The following LPA variants were observed in gnomAD, a reference collection of about 807,000 sequenced individuals.
LPA encodes the protein lipoprotein(a).
A neutral mutation model predicts 197.9 loss-of-function variants in LPA; 199 were observed. The ratio of observed to expected loss-of-function variants is 1.01; its 90% CI spans 0.90 to 1.13. The LOEUF (loss-of-function observed/expected upper bound fraction) is 1.13, where lower values mean the gene tolerates loss of function less well. Ranked by LOEUF, LPA falls within the 50% of genes most tolerant of loss-of-function variation. LPA has a pLI of 0.00. For missense variants in LPA, 1,853 were observed against 1,785.8 expected, an observed-to-expected ratio of 1.04 and a Z score of -0.68; for synonymous variants, 715 against 639.5, an observed-to-expected ratio of 1.12 and a Z score of -1.78.
At chr6:160,588,219 C>A (rs1407245219) in intron 24 of LPA, among the ~76,000 whole-genome samples, 1 of 151,970 alleles carries the variant, frequency 6.6e-6, no homozygotes, top group Non-Finnish European at 1.5e-5. Context: ...TATAACTGAG[C>A]AACTTGTATT....
rs534522794 is a variant in LPA at position 160,547,641 on chromosome 6, C to T, written c.5304+148G>A. ...CCTGAGAACCCCCACACGCGTGGGG[C>T]TTTGCTGGCCTGTGCTGCTTGCACT... is the stretch of plus-strand genomic sequence containing the variant. On this transcript the variant is annotated intron_variant, in intron 32 of 38. Coordinates refer to ENST00000316300, the MANE Select transcript of LPA (RefSeq NM_005577.4). The T allele has an allele frequency of 4.3e-5, 44 of 1,025,154 alleles. No individual in the cohort carries two copies. In the East Asian group the frequency reaches 7.9e-4, roughly 18 times the overall value. The allele number at this position is 1,025,154 out of a possible 1,614,324, so 63.5% of individuals were successfully genotyped here. A position where few individuals can be genotyped will look rare whatever the true frequency, so the allele number is the denominator to read the frequency against.
Position 160,664,168 on chromosome 6 carries a change from G to C in LPA, c.47C>G (p.Ser16Ter). The C allele has an allele frequency of 6.2e-7, 1 of 1,603,244 alleles. No individual in the cohort carries two copies. The highest frequency in any genetic ancestry group is 8.5e-7 in the Non-Finnish European group (1 of 1,174,804). The change falls in exon 1 of 39, where the codon TCA (serine) becomes TGA (stop). Residue 16 changes from serine to a stop codon, truncating the protein, a stop_gained and splice_region_variant. Transcript: ENST00000316300. LOFTEE classifies it high-confidence loss of function. Reference sequence around the variant, plus strand: ...AATTTAAAAAAACTATGTCTTACCTGATTTCAGAAATAAAAGAAGTAGAAG... The same window carrying C: ...AATTTAAAAAAACTATGTCTTACCTCATTTCAGAAATAAAAGAAGTAGAAG... ...VVLLLLLFLK[S>*]AAPEQSHVVQ...
At chr6:160,587,133 C>A (rs1383835791) in intron 24 of LPA, among the ~76,000 whole-genome samples, 4 of 152,186 alleles carry the variant, frequency 2.6e-5, no homozygotes, top group Non-Finnish European at 4.4e-5. Flanking sequence ...TACAGTTGAT[C>A]TCAATATCTA....
chr6:160,537,769 G>C, intron 37 of LPA, 86 bp downstream of exon 37: 1 of 1,267,126 alleles, frequency 7.9e-7, no homozygotes, highest in Non-Finnish European at 1.1e-6. Flanking sequence ...GTAGGAATTT[G>C]TACAACTATC....
intron 7 of LPA, among the ~76,000 whole-genome samples, chr6:160,634,702 G>A (rs1490100549): frequency 2.0e-5 from 3 of 151,838 alleles, no homozygotes; most frequent in African/African-American, 7.3e-5. Flanking sequence ...TCTCGAGGAT[G>A]ACAGGCTCCA....
chr6:160,653,972 ATAAT>A (rs1780057514), intron 1 of LPA, among the ~76,000 whole-genome samples: 2 of 20,692 alleles, frequency 9.7e-5, no homozygotes, highest in African/African-American at 2.0e-4. Flanking sequence ...TATATTATAT[ATAAT>A]ATATAATATA....
chr6:160,600,150 C>G (rs1292434840), intron 19 of LPA, among the ~76,000 whole-genome samples: 1 of 152,202 alleles, frequency 6.6e-6, no homozygotes, highest in Admixed American at 6.5e-5. Context: ...GGGCAGACAA[C>G]AGTCCTGCAG....
At chr6:160,588,531 C>A (rs1778960423) in intron 24 of LPA, among the ~76,000 whole-genome samples, 1 of 152,178 alleles carries the variant, frequency 6.6e-6, no homozygotes, top group Non-Finnish European at 1.5e-5. Flanking sequence ...TGCAGTTGTT[C>A]TTTCCCAAGT....
At chr6:160,552,677 G>C (rs1434749021) in intron 30 of LPA, among the ~76,000 whole-genome samples, 1 of 152,112 alleles carries the variant, frequency 6.6e-6, no homozygotes, top group African/African-American at 2.4e-5. Flanking sequence ...TATGATTCAG[G>C]TTTTCATGGT....
intron 28 of LPA, among the ~76,000 whole-genome samples, chr6:160,559,764 G>A (rs1242706004): frequency 3.9e-5 from 6 of 152,090 alleles, no homozygotes; most frequent in Non-Finnish European, 8.8e-5. Context: ...CAGATGGTTG[G>A]TGAGTTCTTA....
At chr6:160,598,369 A>C (rs897407348) in intron 20 of LPA, among the ~76,000 whole-genome samples, 1 of 152,172 alleles carries the variant, frequency 6.6e-6, no homozygotes, top group Non-Finnish European at 1.5e-5. Context: ...GAGTAATCCC[A>C]AAGTCCAATC....
intron 28 of LPA, among the ~76,000 whole-genome samples, chr6:160,557,930 T>C (rs1278301781): frequency 6.6e-6 from 1 of 151,966 alleles, no homozygotes; most frequent in East Asian, 1.9e-4. Context: ...AGATTTTTTT[T>C]TTTTTTTGTG....
chr6:160,535,235 T>C (rs914518059), intron 37 of LPA, among the ~76,000 whole-genome samples: 2 of 334 alleles, frequency 6.0e-3, no homozygotes, highest in African/African-American at 0.016. Flanking sequence ...TAGAGGATAG[T>C]GATGATGGTG....
intron 18 of LPA, among the ~76,000 whole-genome samples, chr6:160,601,853 G>A (rs962143270): frequency 2.2e-4 from 34 of 152,110 alleles, no homozygotes; most frequent in Admixed American, 2.0e-3. Context: ...CAGCAATTCC[G>A]GGACTGAGGG....
At chr6:160,593,652 G>T (rs41272046) in intron 22 of LPA, among the ~76,000 whole-genome samples, 1,648 of 152,252 alleles carry the variant, frequency 0.011, 33 homozygotes, top group African/African-American at 0.038. Context: ...CTATTGCATT[G>T]GTCTTTAGTG....
At chr6:160,589,399 G>A (rs1266142692) in intron 24 of LPA, among the ~76,000 whole-genome samples, 154 bp downstream of exon 24, 2 of 152,156 alleles carry the variant, frequency 1.3e-5, no homozygotes, top group Non-Finnish European at 2.9e-5. Flanking sequence ...TCTCCTCTCA[G>A]ACCCTGTGCC....
intron 26 of LPA, among the ~76,000 whole-genome samples, chr6:160,580,415 A>C (rs1778771521): frequency 6.6e-6 from 1 of 152,202 alleles, no homozygotes; most frequent in Admixed American, 6.5e-5. Context: ...TTTGGGGGGT[A>C]AATATTCAAG....
At chr6:160,553,909 CTCTCTCTCTT>C (rs1248209653) in intron 30 of LPA, among the ~76,000 whole-genome samples, 14 of 147,116 alleles carry the variant, frequency 9.5e-5, no homozygotes, top group African/African-American at 2.9e-4. Flanking sequence ...CAGCCTTTCT[CTCTCTCTCTT>C]TCTCTCTCTC....
chr6:160,579,715 G>C (rs41272120), intron 26 of LPA, among the ~76,000 whole-genome samples: 2 of 152,124 alleles, frequency 1.3e-5, no homozygotes, highest in East Asian at 3.9e-4. Flanking sequence ...AACTTGGAAC[G>C]TATTATGGAG....
Sources: gnomAD v4.1 joint callset for allele counts (sites outside exome capture counted in the v4.1 genomes callset) on GRCh38, gnomAD v4.1.1 for gene constraint, MANE v1.5 for transcripts, NCBI Gene and HGNC (gene_info 2026-07-23, HGNC 2026-07-21) for gene names.